Variants in TGFBR3 observed in about 807,000 individuals in gnomAD.
The protein encoded by TGFBR3 is transforming growth factor beta receptor type 3.
Under a neutral mutation model 87.9 loss-of-function variants are expected in TGFBR3, and 46 were observed. The observed-to-expected ratio is 0.52, with a 90% CI of 0.41 to 0.67. The LOEUF is 0.67. Ranked by LOEUF, TGFBR3 falls within the 30% of genes least tolerant of loss-of-function variation. The pLI, the probability that TGFBR3 is intolerant of heterozygous loss-of-function variation, is 0.00. For missense variants in TGFBR3, 866 were observed against 1,041.9 expected (o/e 0.83, Z 2.32); for synonymous variants, 381 against 391.6 (o/e 0.97, Z 0.32).
At chr1:91,688,858 C>T (rs1015863892) in intron 16 of TGFBR3, among the ~76,000 whole-genome samples, 3 of 151,736 alleles carry the variant, frequency 2.0e-5, no homozygotes, top group Non-Finnish European at 2.9e-5. Flanking sequence ...AAGTGTAGCC[C>T]GATGAAAAGA....
chr1:91,698,142 A>C lies in TGFBR3; in HGVS notation c.2288-12T>G. ...GCTTGGACCTTTTTCTGAAACAAAA[A>C]CATAAATCACAATGTATTCTATGGA... On this transcript the variant is annotated splice_polypyrimidine_tract_variant and intron_variant, in intron 14 of 16. Transcript: ENST00000212355. The C allele has an allele frequency of 1.2e-6, 2 of 1,612,594 alleles. No individual in the cohort carries two copies. Among genetic ancestry groups the C allele is most frequent in the South Asian group, 2.2e-5 (2 of 91,050 alleles).
At chr1:91,808,087 C>A (rs10493859) in intron 2 of TGFBR3, among the ~76,000 whole-genome samples, 37,240 of 152,082 alleles carry the variant, frequency 0.24, 5,648 homozygotes, top group Middle Eastern at 0.35. Flanking sequence ...CCTAGCATTA[C>A]TCCCCAGAAA....
chr1:91,681,590 A>G lies in TGFBR3; in HGVS notation c.*2149T>C, dbSNP rs1670912209. ...TCTCCTAATAGCTAATTTTCTTTTT[A>G]ACACGATGGAAAAGATTTTTTAAAA... On this transcript the variant is annotated 3_prime_UTR_variant, in exon 17 of 17. Transcript: ENST00000212355. 2 of 401,010 alleles carry G rather than the reference A, an allele frequency of 5.0e-6. No homozygotes were observed. The highest frequency in any genetic ancestry group is 2.1e-5 in the African/African-American group (1 of 47,170). 24.8% of individuals were successfully genotyped at this position (401,010 alleles called of 1,614,324 possible).
intron 1 of TGFBR3, among the ~76,000 whole-genome samples, 175 bp downstream of exon 1, chr1:91,885,703 G>A (rs1056233264): frequency 3.3e-5 from 5 of 152,164 alleles, no homozygotes; most frequent in African/African-American, 1.2e-4. Context: ...TCCCCGGAGG[G>A]TAAACACCGC....
intron 2 of TGFBR3, among the ~76,000 whole-genome samples, chr1:91,848,889 T>C (rs1321661212): frequency 3.9e-5 from 6 of 152,200 alleles, no homozygotes. Context: ...CAAAGAGATT[T>C]TCTTTAGATG....
chr1:91,800,453 T>TA (rs1160895540), intron 2 of TGFBR3, among the ~76,000 whole-genome samples: 2 of 150,734 alleles, frequency 1.3e-5, no homozygotes, highest in Non-Finnish European at 3.0e-5. Context: ...CAGGCTGCAG[T>TA]AAGCCGTGAT....
chr1:91,744,245 C>T (rs775946514), intron 4 of TGFBR3, among the ~76,000 whole-genome samples: 2 of 151,820 alleles, frequency 1.3e-5, no homozygotes, highest in African/African-American at 2.4e-5. Context: ...CCACCATGCC[C>T]GGTTAATTTT....
chr1:91,758,506 C>G, intron 4 of TGFBR3, 107 bp downstream of exon 4: 1 of 1,317,094 alleles, frequency 7.6e-7, no homozygotes, highest in South Asian at 1.2e-5. Context: ...TCTTTGGACT[C>G]TGGCATTATT....
intron 1 of TGFBR3, among the ~76,000 whole-genome samples, chr1:91,883,561 C>A (rs1251201665): frequency 6.6e-6 from 1 of 152,088 alleles, no homozygotes; most frequent in African/African-American, 2.4e-5. Context: ...TTATAGATAT[C>A]AACAGTGTGT....
Position 91,734,937 on chromosome 1 carries a change from T to C in TGFBR3, c.407A>G (p.Gln136Arg), listed in dbSNP as rs375529061. The C allele has an allele frequency of 2.2e-5, 35 of 1,614,086 alleles. No homozygotes were observed. The African/African-American group carries it at 4.7e-4, about 22-fold the overall frequency. Residue 136 changes from glutamine (Q) to arginine (R), a missense_variant, in exon 5 of 17, where the codon CAG (glutamine) becomes CGG (arginine). Transcript: ENST00000212355. The part of the protein sequence containing the change: ...LFLVSEGSVV[Q>R]FSSANFSLTA... ...CAAGGAGAAGTTTGCTGATGAAAACTGGACCACAGAACCCTCAGACACCTA... is the reference window on the plus strand; with the variant it reads ...CAAGGAGAAGTTTGCTGATGAAAACCGGACCACAGAACCCTCAGACACCTA...
intron 14 of TGFBR3, among the ~76,000 whole-genome samples, chr1:91,706,911 G>T (rs1393917030): frequency 6.6e-6 from 1 of 152,032 alleles, no homozygotes; most frequent in Non-Finnish European, 1.5e-5. Context: ...GAACTATTTG[G>T]ACCATCCATT....
chr1:91,719,507 C>A, intron 9 of TGFBR3, 43 bp from the exon 10 acceptor site: 3 of 1,612,456 alleles, frequency 1.9e-6, no homozygotes, highest in Non-Finnish European at 2.5e-6. Flanking sequence ...GGCCCACAGG[C>A]AGTTCTGTTG....
At chr1:91,852,398 G>A (rs552228748) in intron 2 of TGFBR3, among the ~76,000 whole-genome samples, 2 of 152,362 alleles carry the variant, frequency 1.3e-5, no homozygotes, top group Admixed American at 6.5e-5. Flanking sequence ...ATGTGTGTGT[G>A]TGCGCATGCA....
At chr1:91,847,398 G>A (rs750042590) in intron 2 of TGFBR3, among the ~76,000 whole-genome samples, 45 of 152,066 alleles carry the variant, frequency 3.0e-4, no homozygotes, top group Non-Finnish European at 5.1e-4. Context: ...GAGGTTGGGA[G>A]TTCGAGACCA....
At chr1:91,824,342 G>A (rs940965299) in intron 2 of TGFBR3, among the ~76,000 whole-genome samples, 1 of 152,168 alleles carries the variant, frequency 6.6e-6, no homozygotes, top group Non-Finnish European at 1.5e-5. Flanking sequence ...TATAGGCAAA[G>A]ATCTGGAAGT....
At chr1:91,725,817 T>C (rs1672529268) in intron 7 of TGFBR3, among the ~76,000 whole-genome samples, 1 of 152,204 alleles carries the variant, frequency 6.6e-6, no homozygotes, top group Non-Finnish European at 1.5e-5. Flanking sequence ...TCAATTTCAC[T>C]ATGCTGTCTC....
intron 1 of TGFBR3, among the ~76,000 whole-genome samples, chr1:91,870,226 TCTACCA>T (rs753755149): frequency 6.6e-6 from 1 of 152,216 alleles, no homozygotes; most frequent in Non-Finnish European, 1.5e-5. Flanking sequence ...GTCCAAGAAC[TCTACCA>T]ATAGTCCTCA....
At chr1:91,867,411 T>C (rs987511043) in intron 1 of TGFBR3, among the ~76,000 whole-genome samples, 7 of 152,276 alleles carry the variant, frequency 4.6e-5, no homozygotes, top group South Asian at 2.1e-4. Context: ...CCACCCTCAT[T>C]CCTGGCTGGG....
chr1:91,682,586 A>G lies in TGFBR3; in HGVS notation c.*1153T>C, dbSNP rs1670947329. 1 of 453,924 alleles carries G rather than the reference A, an allele frequency of 2.2e-6. No individual in the cohort carries two copies. The highest frequency in any genetic ancestry group is 4.4e-6 in the Non-Finnish European group (1 of 226,750). The allele number at this position is 453,924 out of a possible 1,614,324, so 28.1% of individuals were successfully genotyped here. A position where few individuals can be genotyped will look rare whatever the true frequency, so the allele number is the denominator to read the frequency against. ...CAAATGAGTGCCCTTTTCCAATCTC[A>G]GCACTGTCTTGGTGGAATTGGTGAC... On this transcript the variant is annotated 3_prime_UTR_variant, in exon 17 of 17. Coordinates refer to ENST00000212355, the MANE Select transcript of TGFBR3 (RefSeq NM_003243.5).
Sources: gnomAD v4.1 joint callset for allele counts (sites outside exome capture counted in the v4.1 genomes callset) on GRCh38, gnomAD v4.1.1 for gene constraint, MANE v1.5 for transcripts, NCBI Gene and HGNC (gene_info 2026-07-23, HGNC 2026-07-21) for gene names.